Variants in ITFG1 observed in about 807,000 individuals in gnomAD.
ITFG1 encodes T-cell immunomodulatory protein.
Under a neutral mutation model 81.8 loss-of-function variants are expected in ITFG1, and 34 were observed. That is an observed-to-expected ratio of 0.42 (90% CI 0.32 to 0.55). The LOEUF is 0.55. ITFG1 is among the 20% of genes least tolerant of loss of function. ITFG1 has a pLI of 0.17. For missense variants in ITFG1, 672 were observed against 755.4 expected, an observed-to-expected ratio of 0.89 and a Z score of 1.29; for synonymous variants, 285 against 270.6, an observed-to-expected ratio of 1.05 and a Z score of -0.52.
chr16:47,174,089 G>T (rs918654433), intron 14 of ITFG1, among the ~76,000 whole-genome samples: 25 of 151,970 alleles, frequency 1.6e-4, no homozygotes, highest in African/African-American at 6.0e-4. Context: ...AGTTTTCAAG[G>T]TTGCTTTGTT....
At chr16:47,380,365 C>T (rs1596944906) in intron 6 of ITFG1, among the ~76,000 whole-genome samples, 2 of 152,254 alleles carry the variant, frequency 1.3e-5, no homozygotes, top group African/African-American at 4.8e-5. Context: ...GAAGTTCCTC[C>T]CCTCATTATG....
chr16:47,229,407 T>C (rs1965791896), intron 13 of ITFG1, among the ~76,000 whole-genome samples: 1 of 151,990 alleles, frequency 6.6e-6, no homozygotes. Context: ...TTCAGAGATC[T>C]GATTATAGAG....
chr16:47,456,677 G>C (rs1227325155), intron 2 of ITFG1, among the ~76,000 whole-genome samples: 2 of 147,208 alleles, frequency 1.4e-5, no homozygotes, highest in African/African-American at 2.5e-5. Flanking sequence ...GGGAAACAGA[G>C]TGAGACTCTG....
rs541843602 is a variant in ITFG1 at position 47,437,445 on chromosome 16, G to A, written c.561-8547C>T. ...ATCGTACCACTGCACTTCGGCCTGG[G>A]TGACAGAGTGAGAGTCCATCTCCTG... On this transcript the variant is annotated intron_variant, in intron 5 of 17. Coordinates refer to ENST00000320640, the MANE Select transcript of ITFG1 (RefSeq NM_030790.5). Among the ~76,000 whole-genome samples the A allele has an allele frequency of 8.6e-5, 13 of 150,330 alleles. No homozygotes were observed. In the East Asian group the frequency reaches 2.3e-3, roughly 27 times the overall value.
chr16:47,357,658 T>C (rs1285500018), intron 8 of ITFG1, among the ~76,000 whole-genome samples: 1 of 150,390 alleles, frequency 6.6e-6, no homozygotes, highest in Non-Finnish European at 1.5e-5. Flanking sequence ...CACAGTATAG[T>C]CTTGAGAATA....
chr16:47,233,421 G>C (rs1965838152), intron 13 of ITFG1, among the ~76,000 whole-genome samples: 1 of 152,154 alleles, frequency 6.6e-6, no homozygotes, highest in Non-Finnish European at 1.5e-5. Flanking sequence ...AACTCCAAGG[G>C]TTCAGGGCAG....
intron 14 of ITFG1, among the ~76,000 whole-genome samples, chr16:47,201,888 T>C (rs1305090962): frequency 1.3e-5 from 2 of 152,200 alleles, no homozygotes; most frequent in East Asian, 1.9e-4. Flanking sequence ...TATAAATAGA[T>C]TTTCCTATTA....
chr16:47,411,525 G>C (rs1042310349), intron 6 of ITFG1, among the ~76,000 whole-genome samples: 2 of 152,140 alleles, frequency 1.3e-5, no homozygotes, highest in Non-Finnish European at 2.9e-5. Context: ...GCCCTGCCCA[G>C]AGGTCCCCTG....
intron 2 of ITFG1, among the ~76,000 whole-genome samples, chr16:47,458,195 T>C (rs1969477416): frequency 6.6e-6 from 1 of 152,236 alleles, no homozygotes; most frequent in African/African-American, 2.4e-5. Flanking sequence ...ATTCAAACTC[T>C]TTTTTGTATC....
intron 6 of ITFG1, among the ~76,000 whole-genome samples, chr16:47,427,742 A>G (rs982300893): frequency 6.6e-6 from 1 of 152,252 alleles, no homozygotes; most frequent in Non-Finnish European, 1.5e-5. Flanking sequence ...TGGTTTCTCT[A>G]CTTCGGCATG....
At chr16:47,457,691 G>C (rs1483207683) in intron 2 of ITFG1, among the ~76,000 whole-genome samples, 3 of 151,950 alleles carry the variant, frequency 2.0e-5, no homozygotes, top group Non-Finnish European at 4.4e-5. Flanking sequence ...TCTAAATTTT[G>C]AAAGTGCATT....
chr16:47,376,052 C>G, intron 6 of ITFG1, 112 bp from the exon 7 acceptor site: 1 of 569,316 alleles, frequency 1.8e-6, no homozygotes, highest in Non-Finnish European at 3.1e-6. Context: ...TCTACTTAAA[C>G]ATATTTTAAA....
intron 5 of ITFG1, among the ~76,000 whole-genome samples, chr16:47,435,997 C>T (rs1280135139): frequency 2.0e-5 from 3 of 152,030 alleles, no homozygotes; most frequent in African/African-American, 7.2e-5. Context: ...CCATCATCCA[C>T]AAAAGAATTC....
intron 12 of ITFG1, among the ~76,000 whole-genome samples, chr16:47,253,362 A>T (rs1258248126): frequency 6.6e-6 from 1 of 152,226 alleles, no homozygotes; most frequent in Non-Finnish European, 1.5e-5. Flanking sequence ...TTTCATGTAT[A>T]CCTAGCTTCC....
intron 10 of ITFG1, among the ~76,000 whole-genome samples, chr16:47,290,240 T>C (rs1385582620): frequency 2.6e-5 from 4 of 152,212 alleles, no homozygotes; most frequent in Non-Finnish European, 5.9e-5. Context: ...TGGTCTGCCA[T>C]GTGGTCTTAC....
rs1969526482 is a variant in ITFG1 at position 47,460,843 on chromosome 16, C to A, written c.203G>T (p.Arg68Leu). Residue 68 changes from arginine to leucine, a missense_variant, in exon 1 of 18, where the codon CGG (arginine) becomes CTG (leucine). By Grantham distance (102) the Arg-to-Leu change is moderately radical (BLOSUM62 -2). Around this residue, in one of 3 missense-constraint regions of ITFG1, gnomAD observed 560 missense variants for 625.7 expected, o/e 0.90. Transcript: ENST00000320640. ...AGGGCCCGGCAAGCACTGACTTTCCCGCAGCACGAAGAGATCCGTCTGCTT... is the reference window on the plus strand; with the variant it reads ...AGGGCCCGGCAAGCACTGACTTTCCAGCAGCACGAAGAGATCCGTCTGCTT... Reference protein sequence around the residue: ...SDKQTDLFVLRERNDLIVFLA... With the variant: ...SDKQTDLFVLLERNDLIVFLA... 6.2e-7 allele frequency: 1 copy of A among 1,613,352 alleles called. No homozygotes were observed.
intron 17 of ITFG1, chr16:47,157,517 C>T (rs1217086851): frequency 6.6e-6 from 1 of 152,172 alleles, no homozygotes; most frequent in Non-Finnish European, 1.5e-5. Flanking sequence ...ATCAGATCTA[C>T]TGAGGAATTA....
At chr16:47,243,887 C>T (rs1166260028) in intron 12 of ITFG1, among the ~76,000 whole-genome samples, 1 of 152,002 alleles carries the variant, frequency 6.6e-6, no homozygotes, top group Non-Finnish European at 1.5e-5. Context: ...AAAAATCAGC[C>T]GGGAGTGGTG....
intron 14 of ITFG1, among the ~76,000 whole-genome samples, chr16:47,185,981 T>C (rs1309556716): frequency 3.3e-5 from 5 of 152,142 alleles, no homozygotes; most frequent in Admixed American, 6.5e-5. Context: ...ACTACAAACA[T>C]CTCTATGCAA....
Sources: allele counts gnomAD v4.1 joint callset (sites outside exome capture counted in the v4.1 genomes callset), GRCh38; gene constraint gnomAD v4.1.1; regional missense constraint gnomAD v4.1.1; transcripts MANE v1.5; gene names NCBI Gene and HGNC (gene_info 2026-07-23, HGNC 2026-07-21).